The following DLC1 variants were observed in gnomAD, a reference collection of about 807,000 sequenced individuals.
DLC1 encodes DLC1 Rho GTPase activating protein.
DLC1 carries 54 observed loss-of-function variants against 140.3 expected under a neutral mutation model. The observed-to-expected ratio is 0.38, with a 90% CI of 0.31 to 0.48. The LOEUF is 0.48. Among genes scored for constraint, DLC1 ranks in the 20% least tolerant of loss-of-function variants. The pLI is 0.96. For missense variants in DLC1, 2,536 were observed against 1,907.0 expected, an observed-to-expected ratio of 1.33 and a Z score of -6.14; for synonymous variants, 986 against 728.1, an observed-to-expected ratio of 1.35 and a Z score of -5.70.
chr8:13,231,466 AC>A (rs1240440754), intron 5 of DLC1, among the ~76,000 whole-genome samples: 1 of 152,160 alleles, frequency 6.6e-6, no homozygotes, highest in East Asian at 1.9e-4. Flanking sequence ...TGTATATTTT[AC>A]ATTTTAAAAA....
rs151255328 is a variant in DLC1 at position 13,491,401 on chromosome 8, C to T, written c.1023+7648G>A. Among the ~76,000 whole-genome samples, 333 of 152,080 alleles carry T rather than the reference C, an allele frequency of 2.2e-3. 2 individuals carry two copies. The highest frequency in any genetic ancestry group is 0.02 in the Middle Eastern group (6 of 294). Reference sequence around the variant, plus strand: ...GCCTCTGACATTTTTGATATGGACTCCCCTGCAAGCATGTGTATGTTACTT... The same window carrying T: ...GCCTCTGACATTTTTGATATGGACTTCCCTGCAAGCATGTGTATGTTACTT... On this transcript the variant is annotated intron_variant, in intron 2 of 17. Transcript: ENST00000276297.
chr8:13,402,593 T>A (rs900823015), intron 2 of DLC1, among the ~76,000 whole-genome samples: 1 of 152,228 alleles, frequency 6.6e-6, no homozygotes, highest in Admixed American at 6.5e-5. Context: ...ATCTGTCTGA[T>A]TGTATTGATC....
chr8:13,547,091 A>G (rs1317049889), intron 1 of DLC1, among the ~76,000 whole-genome samples: 2 of 152,098 alleles, frequency 1.3e-5, no homozygotes, highest in Non-Finnish European at 2.9e-5. Context: ...ATGATGTGGA[A>G]AATTTCACAC....
intron 1 of DLC1, among the ~76,000 whole-genome samples, chr8:13,537,125 TAA>T: frequency 6.6e-6 from 1 of 151,426 alleles, no homozygotes; most frequent in East Asian, 1.9e-4. Flanking sequence ...AACAGTACAT[TAA>T]AAAAAAACCA....
At chr8:13,256,415 C>T (rs144795672) in intron 5 of DLC1, among the ~76,000 whole-genome samples, 173 of 152,270 alleles carry the variant, frequency 1.1e-3, no homozygotes, top group African/African-American at 3.6e-3. Flanking sequence ...TAAAGACACA[C>T]GCACACGTAT....
Position 13,280,803 on chromosome 8 carries a change from A to G in DLC1, c.1348+24466T>C, listed in dbSNP as rs562095487. On this transcript the variant is annotated intron_variant, in intron 5 of 17. Coordinates refer to ENST00000276297, the MANE Select transcript of DLC1 (RefSeq NM_182643.3). ...AGATCCTTTCAAAAGAATGTGAATA[A>G]TGATGGGAAATGAAAAGCTTATTAA... 1.2e-3 allele frequency among the ~76,000 whole-genome samples: 184 copies of G among 152,328 alleles called. 4 individuals are homozygous for G. The highest frequency in any genetic ancestry group is 5.0e-4 in the Non-Finnish European group (34 of 68,020).
At chr8:13,154,220 C>G (rs1209670335) in intron 5 of DLC1, among the ~76,000 whole-genome samples, 2 of 152,252 alleles carry the variant, frequency 1.3e-5, no homozygotes, top group Admixed American at 1.3e-4. Context: ...GCTTGCGCTC[C>G]TCAGCCCTCG....
At chr8:13,288,781 AAAG>A (rs1831639802) in intron 5 of DLC1, among the ~76,000 whole-genome samples, 1 of 152,136 alleles carries the variant, frequency 6.6e-6, no homozygotes, top group Non-Finnish European at 1.5e-5. Context: ...CTAGGGGAGG[AAAG>A]AAGAAGTAAG....
chr8:13,584,248 T>G (rs1218921053), intron 1 of DLC1: 1 of 153,562 alleles, frequency 6.5e-6, no homozygotes, highest in Non-Finnish European at 1.5e-5. Flanking sequence ...GTTTGGCTCT[T>G]CTGAGGCTGC....
At chr8:13,497,158 C>A (rs1045193942) in intron 2 of DLC1, among the ~76,000 whole-genome samples, 1 of 152,096 alleles carries the variant, frequency 6.6e-6, no homozygotes, top group Non-Finnish European at 1.5e-5. Context: ...CAGTAACATG[C>A]AATATAGTGA....
At chr8:13,091,253 A>C (rs1818044638) in intron 14 of DLC1, 65 bp downstream of exon 14, 9 of 1,527,658 alleles carry the variant, frequency 5.9e-6, no homozygotes, top group Middle Eastern at 1.7e-4. Context: ...ACAAGGGTCA[A>C]GCCTAAGATT....
At chr8:13,408,683 G>A (rs920005159) in intron 2 of DLC1, among the ~76,000 whole-genome samples, 1 of 152,144 alleles carries the variant, frequency 6.6e-6, no homozygotes, top group Non-Finnish European at 1.5e-5. Context: ...ATTAAAGATT[G>A]GCACTCAGGT....
chr8:13,182,229 C>T (rs1161269262), intron 5 of DLC1, among the ~76,000 whole-genome samples: 5 of 151,616 alleles, frequency 3.3e-5, no homozygotes, highest in African/African-American at 4.8e-5. Flanking sequence ...TTTGTAGATT[C>T]AGATGGGTAG....
chr8:13,180,571 C>G (rs568517149), intron 5 of DLC1, among the ~76,000 whole-genome samples: 4 of 152,226 alleles, frequency 2.6e-5, no homozygotes, highest in African/African-American at 9.6e-5. Context: ...TTGGCAATAA[C>G]TTTCACCGAG....
At chr8:13,340,414 T>A (rs1276683281) in intron 4 of DLC1, 2 of 152,280 alleles carry the variant, frequency 1.3e-5, no homozygotes, top group African/African-American at 4.8e-5. Flanking sequence ...TTGGCCAGGC[T>A]GGTCTTGAAC....
At chr8:13,316,348 G>A (rs775513135) in intron 4 of DLC1, among the ~76,000 whole-genome samples, 2 of 152,002 alleles carry the variant, frequency 1.3e-5, no homozygotes, top group South Asian at 4.2e-4. Context: ...AGTCATAGGT[G>A]AGTTTTATAC....
At chr8:13,570,527 T>A (rs1333733409) in intron 1 of DLC1, among the ~76,000 whole-genome samples, 1 of 140,066 alleles carries the variant, frequency 7.1e-6, no homozygotes, top group South Asian at 2.4e-4. Flanking sequence ...TTCCCACCTA[T>A]GAGTGAGAAT....
rs755422869 is a variant in DLC1, at chr8:13,388,830, A to T, written c.1314+4723T>A. Among the ~76,000 whole-genome samples the T allele has an allele frequency of 4.0e-3, 616 of 152,182 alleles. 4 individuals carry two copies. Among genetic ancestry groups the T allele is most frequent in the Non-Finnish European group, 6.7e-3 (453 of 67,934 alleles). Reference sequence around the variant, plus strand: ...TATATGATTTAGAAAATGATGTTAAAAGCCTGTAACCTACACTATGCTTGG... The same window carrying T: ...TATATGATTTAGAAAATGATGTTAATAGCCTGTAACCTACACTATGCTTGG... On this transcript the variant is annotated intron_variant, in intron 4 of 17. Coordinates refer to ENST00000276297, the MANE Select transcript of DLC1 (RefSeq NM_182643.3).
chr8:13,227,026 A>G (rs1828823597), intron 5 of DLC1, among the ~76,000 whole-genome samples: 1 of 151,910 alleles, frequency 6.6e-6, no homozygotes, highest in Non-Finnish European at 1.5e-5. Flanking sequence ...GTTCATTATT[A>G]CTCTGTGTAT....
Sources: gnomAD v4.1 joint callset for allele counts (sites outside exome capture counted in the v4.1 genomes callset) on GRCh38, gnomAD v4.1.1 for gene constraint, MANE v1.5 for transcripts, NCBI Gene and HGNC (gene_info 2026-07-23, HGNC 2026-07-21) for gene names.